The following PALD1 variants were observed in gnomAD, a reference collection of about 807,000 sequenced individuals.
The protein encoded by PALD1 is paladin.
PALD1 carries 57 observed loss-of-function variants against 96.0 expected under a neutral mutation model. That is an observed-to-expected ratio of 0.59 (90% confidence interval 0.48 to 0.74). PALD1 has a LOEUF of 0.74. Ranked by LOEUF, PALD1 falls within the 30% of genes least tolerant of loss-of-function variation. The pLI, the probability that PALD1 is intolerant of heterozygous loss-of-function variation, is 0.00. For missense variants in PALD1, 1,063 were observed against 1,143.7 expected, an observed-to-expected ratio of 0.93 and a Z score of 1.02; for synonymous variants, 464 against 473.6, an observed-to-expected ratio of 0.98 and a Z score of 0.26.
rs1199400623 is a variant in PALD1, at chr10:70,567,704, G to A, written c.*971G>A. 6.5e-6 allele frequency: 1 copy of A among 152,870 alleles called. No individual in the cohort carries two copies. Among genetic ancestry groups the A allele is most frequent in the Non-Finnish European group, 1.5e-5 (1 of 68,206 alleles). The allele number at this position is 152,870 out of a possible 1,614,324, so 9.5% of individuals were successfully genotyped here. ...GAGGGTGGTGGGAGGGGATCACCTG[G>A]GTTCCAGGCCATCCTTGCTGAGCAT... On this transcript the variant is annotated 3_prime_UTR_variant, in exon 20 of 20. Coordinates refer to ENST00000263563, the MANE Select transcript of PALD1 (RefSeq NM_014431.3).
At chr10:70,564,634 G>T (rs1847808286) in intron 19 of PALD1, 115 bp downstream of exon 19, 4 of 940,850 alleles carry the variant, frequency 4.3e-6, no homozygotes, top group Non-Finnish European at 6.5e-6. Flanking sequence ...CAGGCGGGAA[G>T]AGCCCCCATC....
chr10:70,514,972 A>G (rs1846590348), intron 1 of PALD1, among the ~76,000 whole-genome samples: 1 of 152,234 alleles, frequency 6.6e-6, no homozygotes, highest in Non-Finnish European at 1.5e-5. Flanking sequence ...ATGGATGAGC[A>G]AAACAGAAGA....
At position 70,520,831 on chromosome 10, in the gene PALD1, A is replaced by G. The variant is rs1190526540; in HGVS notation, c.-29-5092A>G. On this transcript the variant is annotated intron_variant, in intron 1 of 19. Coordinates refer to ENST00000263563, the MANE Select transcript of PALD1 (RefSeq NM_014431.3). ...CTCAGCCTCCCAAGTAGCTGGGATT[A>G]CAGGCGCCTGCCAGCACACCCGGCT... Among the ~76,000 whole-genome samples, 4 of 151,182 alleles carry G rather than the reference A, an allele frequency of 2.6e-5. No individual in the cohort carries two copies. The Admixed American group carries it at 2.7e-4, about 10-fold the overall frequency.
chr10:70,472,793 C>G, the PALD1 span, among the ~76,000 whole-genome samples: 102 of 152,118 alleles, frequency 6.7e-4, 1 homozygote, highest in African/African-American at 2.4e-3. Context: ...GGGCTCTGTA[C>G]GAGTGCTGGC....
At chr10:70,461,526 G>A in the PALD1 span, among the ~76,000 whole-genome samples, 3 of 152,228 alleles carry the variant, frequency 2.0e-5, no homozygotes, top group South Asian at 6.2e-4. Context: ...TGAAGGAAAG[G>A]TGTGGAGGCC....
rs543773744 is a variant in PALD1 at position 70,521,770 on chromosome 10, G to C, written c.-29-4153G>C. On this transcript the variant is annotated intron_variant, in intron 1 of 19. Coordinates refer to ENST00000263563, the MANE Select transcript of PALD1 (RefSeq NM_014431.3). ...GCTGGTCTTGAACTCCTAACCTCAA[G>C]TGATCTGCCCGCTTTGGCCTTCCAA... 1.0e-3 allele frequency among the ~76,000 whole-genome samples: 155 copies of C among 152,008 alleles called. 5 individuals are homozygous for C. In the South Asian group the frequency reaches 0.032, roughly 31 times the overall value.
intron 1 of PALD1, among the ~76,000 whole-genome samples, chr10:70,499,222 G>A (rs190259363): frequency 5.9e-5 from 9 of 152,350 alleles, no homozygotes; most frequent in Admixed American, 3.3e-4. Context: ...CCAGTGCTGT[G>A]TGTTTCTGAC....
In PALD1 at chr10:70,517,707, C is replaced by T. The variant is rs191386855; in HGVS notation, c.-29-8216C>T. On this transcript the variant is annotated intron_variant, in intron 1 of 19. Coordinates refer to ENST00000263563, the MANE Select transcript of PALD1 (RefSeq NM_014431.3). ...TGTGTGGCCACCACATTCAGTATCCCCAGCAGTTCCATCCCCTAAAATGTG... is the reference window on the plus strand; with the variant it reads ...TGTGTGGCCACCACATTCAGTATCCTCAGCAGTTCCATCCCCTAAAATGTG... Among the ~76,000 whole-genome samples, 52 of 152,170 alleles carry T rather than the reference C, an allele frequency of 3.4e-4. 1 individual carries two copies. The highest frequency in any genetic ancestry group is 2.9e-3 in the East Asian group (15 of 5,180).
the PALD1 span, among the ~76,000 whole-genome samples, chr10:70,473,609 T>C: frequency 6.6e-6 from 1 of 152,044 alleles, no homozygotes. Context: ...AGAACAGTCT[T>C]GGAATATAGA....
chr10:70,491,968 C>A (rs931043769), intron 1 of PALD1, among the ~76,000 whole-genome samples: 1 of 152,146 alleles, frequency 6.6e-6, no homozygotes, highest in African/African-American at 2.4e-5. Flanking sequence ...ATGGATAGGC[C>A]GCACTTTGTT....
chr10:70,507,396 G>A (rs1460483930), intron 1 of PALD1, among the ~76,000 whole-genome samples: 1 of 152,154 alleles, frequency 6.6e-6, no homozygotes, highest in East Asian at 1.9e-4. Flanking sequence ...TGGGCTACAA[G>A]AGCGAAACTC....
chr10:70,493,324 T>C (rs928194334), intron 1 of PALD1, among the ~76,000 whole-genome samples: 12 of 152,240 alleles, frequency 7.9e-5, no homozygotes, highest in South Asian at 4.1e-4. Flanking sequence ...ACTGTAGAAC[T>C]GTTCCTTAGT....
At chr10:70,469,632 T>C in the PALD1 span, among the ~76,000 whole-genome samples, 1 of 152,000 alleles carries the variant, frequency 6.6e-6, no homozygotes, top group South Asian at 2.1e-4. Flanking sequence ...CTGGTGTCTG[T>C]GCCTTCTGAG....
In PALD1 at chr10:70,498,586, G is replaced by T. The variant is rs1298021228; in HGVS notation, c.-30+19527G>T. 8.6e-4 allele frequency among the ~76,000 whole-genome samples: 124 copies of T among 143,464 alleles called. No individual in the cohort carries two copies. In the East Asian group the frequency reaches 0.012, roughly 14 times the overall value. The allele number at this position is 143,464 out of a possible 152,430, so 94.1% of individuals were successfully genotyped here. On this transcript the variant is annotated intron_variant, in intron 1 of 19. Coordinates refer to ENST00000263563, the MANE Select transcript of PALD1 (RefSeq NM_014431.3). ...TGAGCCACTATGCCTGTCCTGTTTTGTTTTTTTTTTTTTGAGGCTGTAATT... is the reference window on the plus strand; with the variant it reads ...TGAGCCACTATGCCTGTCCTGTTTTTTTTTTTTTTTTTTGAGGCTGTAATT...
At chr10:70,554,284 C>T (rs1157429907) in intron 18 of PALD1, among the ~76,000 whole-genome samples, 1 of 152,152 alleles carries the variant, frequency 6.6e-6, no homozygotes, top group Non-Finnish European at 1.5e-5. Flanking sequence ...CAAAAATTAG[C>T]CGAGCGTGGT....
At chr10:70,536,356 C>A (rs1458055779) in intron 10 of PALD1, among the ~76,000 whole-genome samples, 1 of 152,150 alleles carries the variant, frequency 6.6e-6, no homozygotes, top group Non-Finnish European at 1.5e-5. Context: ...GTACTTAGAG[C>A]CTGCCACAGA....
At chr10:70,464,925 G>A in the PALD1 span, among the ~76,000 whole-genome samples, 1 of 150,992 alleles carries the variant, frequency 6.6e-6, no homozygotes, top group East Asian at 2.0e-4. Flanking sequence ...GCCATGCCCG[G>A]CCTCTATGTA....
At chr10:70,544,187 A>T (rs1847314341) in intron 17 of PALD1, among the ~76,000 whole-genome samples, 1 of 152,122 alleles carries the variant, frequency 6.6e-6, no homozygotes. Context: ...TTCATAGAGG[A>T]GGCAGCATTT....
chr10:70,490,499 C>T (rs1846081495), intron 1 of PALD1, among the ~76,000 whole-genome samples: 1 of 152,188 alleles, frequency 6.6e-6, no homozygotes, highest in African/African-American at 2.4e-5. Flanking sequence ...TGCTGATTGA[C>T]ATTATTCTTA....
Sources: allele counts gnomAD v4.1 joint callset (sites outside exome capture counted in the v4.1 genomes callset), GRCh38; gene constraint gnomAD v4.1.1; transcripts MANE v1.5; gene names NCBI Gene and HGNC (gene_info 2026-07-23, HGNC 2026-07-21).